The following CCDC63 variants were observed in gnomAD, a reference collection of about 807,000 sequenced individuals.
CCDC63 encodes the protein coiled-coil domain containing 63, also known as coiled-coil domain-containing protein 63.
In CCDC63, 54 loss-of-function variants were observed where a neutral mutation model predicts 63.6. That is an observed-to-expected ratio of 0.85 (90% CI 0.68 to 1.07). The LOEUF is 1.07. CCDC63 is among the 50% of genes least tolerant of loss of function. The pLI is 0.00. For missense variants in CCDC63, 637 were observed against 689.6 expected, an observed-to-expected ratio of 0.92 and a Z score of 0.86; for synonymous variants, 253 against 266.1, an observed-to-expected ratio of 0.95 and a Z score of 0.48.
At chr12:110,880,165 C>A in intron 6 of CCDC63, 78 bp downstream of exon 6, 7 of 1,257,110 alleles carry the variant, frequency 5.6e-6, no homozygotes, top group Non-Finnish European at 8.0e-6. Flanking sequence ...TCTGGGCCAC[C>A]ACTGTCCCTG....
intron 4 of CCDC63, among the ~76,000 whole-genome samples, chr12:110,873,343 T>G (rs1043365072): frequency 6.6e-6 from 1 of 152,214 alleles, no homozygotes; most frequent in African/African-American, 2.4e-5. Flanking sequence ...GGAGAAGTCT[T>G]GGATGCCTGG....
chr12:110,849,428 C>T (rs530589614), intron 1 of CCDC63, among the ~76,000 whole-genome samples: 1 of 151,894 alleles, frequency 6.6e-6, no homozygotes, highest in East Asian at 1.9e-4. Flanking sequence ...TGCCACTGAA[C>T]CATCATGCAT....
rs1448223553 is a variant in CCDC63 at position 110,852,892 on chromosome 12, C to G, written c.-63C>G. ...AGAGAGACAGAGAGAGAGAGGAAGG[C>G]TCACTGGCTTTGAGCTCTCTGGGTA... On this transcript the variant is annotated 5_prime_UTR_variant, in exon 2 of 12. Coordinates refer to ENST00000308208, the MANE Select transcript of CCDC63 (RefSeq NM_152591.3). 1.9e-6 allele frequency: 3 copies of G among 1,613,718 alleles called. No individual in the cohort carries two copies. Among genetic ancestry groups the G allele is most frequent in the South Asian group, 1.1e-5 (1 of 91,070 alleles).
rs149214689 is a variant in CCDC63, at chr12:110,860,813, T to C, written c.369+2038T>C. 3.5e-3 allele frequency among the ~76,000 whole-genome samples: 530 copies of C among 152,278 alleles called. 4 individuals are homozygous for C. Among genetic ancestry groups the C allele is most frequent in the Non-Finnish European group, 6.1e-3 (415 of 68,012 alleles). On this transcript the variant is annotated intron_variant, in intron 4 of 11. Coordinates refer to ENST00000308208, the MANE Select transcript of CCDC63 (RefSeq NM_152591.3). Reference sequence around the variant, plus strand: ...CATGTTGCCCAGGCTGGTCTCGAACTCCTGACCTCAGGTGATCCACCCACC... The same window carrying C: ...CATGTTGCCCAGGCTGGTCTCGAACCCCTGACCTCAGGTGATCCACCCACC...
chr12:110,855,213 T>C (rs1465978203), intron 3 of CCDC63, among the ~76,000 whole-genome samples: 1 of 152,224 alleles, frequency 6.6e-6, no homozygotes, highest in Non-Finnish European at 1.5e-5. Flanking sequence ...TACTGTCATC[T>C]GTTGGAAAAA....
intron 4 of CCDC63, among the ~76,000 whole-genome samples, chr12:110,865,477 A>AAAAAG (rs1023350388): frequency 6.6e-6 from 1 of 151,476 alleles, no homozygotes; most frequent in Non-Finnish European, 1.5e-5. Context: ...AAAAAAAAAA[A>AAAAAG]AAAAAGAAAA....
chr12:110,886,278 T>C (rs1010845791), intron 8 of CCDC63, among the ~76,000 whole-genome samples: 1 of 151,976 alleles, frequency 6.6e-6, no homozygotes, highest in Non-Finnish European at 1.5e-5. Flanking sequence ...TCCCACTACT[T>C]GGGAGACTGA....
chr12:110,865,432 A>T (rs2070929348), intron 4 of CCDC63, among the ~76,000 whole-genome samples: 1 of 147,242 alleles, frequency 6.8e-6, no homozygotes, highest in Non-Finnish European at 1.5e-5. Flanking sequence ...AGTTGACAAC[A>T]TATTAATAAT....
At chr12:110,868,538 C>G (rs908811844) in intron 4 of CCDC63, among the ~76,000 whole-genome samples, 12 of 150,832 alleles carry the variant, frequency 8.0e-5, no homozygotes, top group Admixed American at 6.6e-4. Flanking sequence ...GAGACCGGCC[C>G]GGCCAACACA....
At position 110,904,811 on chromosome 12, in the gene CCDC63, A is replaced by C; in HGVS notation, c.1546+20A>C. 1.3e-6 allele frequency: 2 copies of C among 1,578,664 alleles called. No homozygotes were observed. Among genetic ancestry groups the C allele is most frequent in the Non-Finnish European group, 1.7e-6 (2 of 1,159,240 alleles). On this transcript the variant is annotated intron_variant, in intron 11 of 11. Transcript: ENST00000308208. Reference sequence around the variant, plus strand: ...ATGATGGTGAGTTCTCTCTCTCTCAATCTGCACAGGTTGCTAGGGAACCTG... The same window carrying C: ...ATGATGGTGAGTTCTCTCTCTCTCACTCTGCACAGGTTGCTAGGGAACCTG...
intron 8 of CCDC63, 45 bp downstream of exon 8, chr12:110,884,295 C>G (rs2071250373): frequency 6.6e-7 from 1 of 1,524,694 alleles, no homozygotes; most frequent in Non-Finnish European, 9.1e-7. Context: ...CCTGTGTCCA[C>G]AGCAGCCTTT....
At chr12:110,906,166 G>A (rs1288650657) in intron 11 of CCDC63, among the ~76,000 whole-genome samples, 1 of 131,306 alleles carries the variant, frequency 7.6e-6, no homozygotes, top group Admixed American at 1.0e-4. Flanking sequence ...AACTGAAAGT[G>A]ACGGTGCTGC....
chr12:110,848,731 A>G (rs1224740566), intron 1 of CCDC63, among the ~76,000 whole-genome samples: 2 of 152,196 alleles, frequency 1.3e-5, no homozygotes. Flanking sequence ...GGGTATCCCC[A>G]TTCTACAGAT....
chr12:110,867,458 T>A (rs2070979785), intron 4 of CCDC63, among the ~76,000 whole-genome samples: 1 of 93,014 alleles, frequency 1.1e-5, no homozygotes, highest in African/African-American at 4.4e-5. Flanking sequence ...GGCTCCTCAC[T>A]TCCCAGTAGG....
At chr12:110,865,814 C>A (rs1011876609) in intron 4 of CCDC63, among the ~76,000 whole-genome samples, 5 of 152,316 alleles carry the variant, frequency 3.3e-5, no homozygotes, top group East Asian at 1.9e-4. Flanking sequence ...AGATAGATGA[C>A]CTACCTCTTC....
chr12:110,856,337 C>T (rs1331591115), intron 3 of CCDC63, among the ~76,000 whole-genome samples: 7 of 152,038 alleles, frequency 4.6e-5, no homozygotes, highest in Admixed American at 2.6e-4. Flanking sequence ...CTGCCTACCT[C>T]GGCCTCCCAA....
intron 8 of CCDC63, among the ~76,000 whole-genome samples, chr12:110,886,032 C>CA (rs977923444): frequency 6.6e-6 from 1 of 151,918 alleles, no homozygotes; most frequent in Admixed American, 6.6e-5. Context: ...CATGTGGCTG[C>CA]AAAAAATGGA....
intron 1 of CCDC63, among the ~76,000 whole-genome samples, chr12:110,852,338 C>G (rs564350595): frequency 6.6e-6 from 1 of 152,242 alleles, no homozygotes; most frequent in African/African-American, 2.4e-5. Context: ...TCACTCACTG[C>G]AATCTTTGCC....
rs777418372 is a variant in CCDC63, at chr12:110,858,674, G to C, written c.268G>C (p.Glu90Gln). 13 of 1,614,152 alleles carry C rather than the reference G, an allele frequency of 8.1e-6. No homozygotes were observed. The highest frequency in any genetic ancestry group is 1.1e-5 in the Non-Finnish European group (13 of 1,180,014). The change falls in exon 4 of 12, where the codon GAG becomes CAG. Residue 90 changes from glutamate to glutamine, a missense_variant. Physicochemically the swap from Glu to Gln is conservative, Grantham distance 29. Coordinates refer to ENST00000308208, the MANE Select transcript of CCDC63 (RefSeq NM_152591.3). ...MKSSRNMNRS[E>Q]KNYMELRLLL... ...ATCCTCGAGGAACATGAATCGGAGT[G>C]AGAAGAACTACATGGAGCTGCGACT...
Sources: allele counts gnomAD v4.1 joint callset (sites outside exome capture counted in the v4.1 genomes callset), GRCh38; gene constraint gnomAD v4.1.1; transcripts MANE v1.5; gene names NCBI Gene and HGNC (gene_info 2026-07-23, HGNC 2026-07-21).